FSTL5: variants seen among roughly 807,000 people sequenced by gnomAD.
FSTL5 encodes the protein follistatin like 5, also known as follistatin-related protein 5.
Under a neutral mutation model 89.1 loss-of-function variants are expected in FSTL5, and 62 were observed. The ratio of observed to expected loss-of-function variants is 0.70; its 90% CI spans 0.57 to 0.86. FSTL5 has a LOEUF of 0.86. FSTL5 is among the 40% of genes least tolerant of loss of function. The probability of loss-of-function intolerance (pLI) is 0.00; values close to 1 mark genes in which losing one functional copy is unlikely to be tolerated. For synonymous variants in FSTL5, 383 were observed against 346.2 expected (o/e 1.11, Z -1.18); for missense variants, 1,057 against 1,001.6 (o/e 1.06, Z -0.75).
chr4:161,979,954 C>A (rs1347777246), intron 3 of FSTL5, among the ~76,000 whole-genome samples: 1 of 151,490 alleles, frequency 6.6e-6, no homozygotes, highest in African/African-American at 2.4e-5. Context: ...GCCTCCAATG[C>A]AAATTCAACA....
In FSTL5 at chr4:161,748,373, T is replaced by A. The variant is rs1004502555; in HGVS notation, c.727+11038A>T. ...GTACATATATTTATTTTTACTGTGA[T>A]GATCCTGAAAAAGTTTTTTTAGCAT... On this transcript the variant is annotated intron_variant, in intron 6 of 15. Coordinates refer to ENST00000306100, the MANE Select transcript of FSTL5 (RefSeq NM_020116.5). 2.6e-5 allele frequency among the ~76,000 whole-genome samples: 4 copies of A among 152,160 alleles called. No homozygotes were observed. The East Asian group carries it at 7.7e-4, about 29-fold the overall frequency.
intron 4 of FSTL5, among the ~76,000 whole-genome samples, chr4:161,795,710 G>T (rs566010676): frequency 6.6e-6 from 1 of 152,108 alleles, no homozygotes; most frequent in African/African-American, 2.4e-5. Context: ...TTGTTGAAGA[G>T]AGTATTCTTT....
intron 3 of FSTL5, among the ~76,000 whole-genome samples, chr4:162,015,023 C>T (rs972000136): frequency 3.3e-5 from 5 of 152,110 alleles, no homozygotes; most frequent in African/African-American, 1.2e-4. Context: ...CACTATGTTC[C>T]TAGTGCAAAC....
At chr4:161,791,218 T>C (rs376459144) in intron 4 of FSTL5, among the ~76,000 whole-genome samples, 1 of 143,742 alleles carries the variant, frequency 7.0e-6, no homozygotes, top group East Asian at 2.0e-4. Context: ...AAAAAAAAAA[T>C]GGGAAGTGAA....
chr4:161,962,906 T>G (rs989519945), intron 3 of FSTL5, among the ~76,000 whole-genome samples: 2 of 152,014 alleles, frequency 1.3e-5, no homozygotes, highest in Non-Finnish European at 2.9e-5. Flanking sequence ...AAATTTCATA[T>G]GCTAGATTCA....
In FSTL5 at chr4:161,739,799, G is replaced by A. The variant is rs1739941159; in HGVS notation, c.727+19612C>T. 4.0e-5 allele frequency among the ~76,000 whole-genome samples: 6 copies of A among 151,854 alleles called. No individual in the cohort carries two copies. The South Asian group carries it at 1.2e-3, about 31-fold the overall frequency. ...TTCGTGCAAGTTTAAAACATGAGTA[G>A]CCAGATGAATACACTTGTTTTTAAA... On this transcript the variant is annotated intron_variant, in intron 6 of 15. Coordinates refer to ENST00000306100, the MANE Select transcript of FSTL5 (RefSeq NM_020116.5).
intron 10 of FSTL5, among the ~76,000 whole-genome samples, chr4:161,512,926 T>A (rs1369863336): frequency 6.6e-6 from 1 of 152,104 alleles, no homozygotes; most frequent in Non-Finnish European, 1.5e-5. Flanking sequence ...TTATAATGAT[T>A]GTTTTACTAC....
chr4:162,021,374 T>C (rs1372355614), intron 3 of FSTL5, among the ~76,000 whole-genome samples: 3 of 152,208 alleles, frequency 2.0e-5, no homozygotes, highest in African/African-American at 7.2e-5. Flanking sequence ...AGCACAATCT[T>C]GGCCAAGTAT....
chr4:162,106,792 C>T (rs932524569), intron 2 of FSTL5, among the ~76,000 whole-genome samples: 6 of 152,112 alleles, frequency 3.9e-5, no homozygotes. Flanking sequence ...CAATGATGTA[C>T]AAAATGAAGT....
chr4:161,595,003 G>T (rs542697735), intron 7 of FSTL5, among the ~76,000 whole-genome samples: 1 of 152,128 alleles, frequency 6.6e-6, no homozygotes, highest in African/African-American at 2.4e-5. Flanking sequence ...CAAACAAGGT[G>T]AGGGGTCTCA....
Position 162,111,334 on chromosome 4 carries a change from C to T in FSTL5, c.63G>A (p.Arg21=). Residue 21 remains arginine, a synonymous_variant, in exon 2 of 16, where the codon AGG becomes AGA. Transcript: ENST00000306100. ...GGCCATATCCTCCTTCTTTGGTTGGCCTTCCTTCCGACTCCAGAAAAATGA... is the reference window on the plus strand; with the variant it reads ...GGCCATATCCTCCTTCTTTGGTTGGTCTTCCTTCCGACTCCAGAAAAATGA... ...LGFIFLESEG[R]PTKEGGYGLK... 1 of 1,612,032 alleles carries T rather than the reference C, an allele frequency of 6.2e-7. No individual in the cohort carries two copies. The highest frequency in any genetic ancestry group is 8.5e-7 in the Non-Finnish European group (1 of 1,178,560).
At chr4:162,020,510 G>T (rs1023792433) in intron 3 of FSTL5, among the ~76,000 whole-genome samples, 11 of 152,006 alleles carry the variant, frequency 7.2e-5, no homozygotes, top group Non-Finnish European at 1.5e-4. Flanking sequence ...GATAACCATA[G>T]TTAACACTCA....
intron 4 of FSTL5, among the ~76,000 whole-genome samples, chr4:161,813,433 CG>C (rs1730229164): frequency 6.7e-6 from 1 of 149,804 alleles, no homozygotes; most frequent in African/African-American, 2.5e-5. Context: ...ATTTGGGGGG[CG>C]GGGAGCATGT....
intron 13 of FSTL5, among the ~76,000 whole-genome samples, chr4:161,460,373 T>G (rs1208233365): frequency 1.6e-5 from 2 of 127,218 alleles, no homozygotes; most frequent in Admixed American, 1.8e-4. Context: ...TATCTCCTAA[T>G]GCTATCCCTC....
chr4:161,542,075 A>G (rs928282564), intron 9 of FSTL5, among the ~76,000 whole-genome samples: 6 of 151,962 alleles, frequency 3.9e-5, no homozygotes, highest in Non-Finnish European at 7.4e-5. Context: ...ACATTTAGTA[A>G]CTTTTTGATA....
intron 8 of FSTL5, among the ~76,000 whole-genome samples, chr4:161,573,336 G>C (rs1223586362): frequency 4.1e-5 from 6 of 147,128 alleles, no homozygotes; most frequent in Non-Finnish European, 8.9e-5. Flanking sequence ...CTTGAGCCCA[G>C]AAAGTGGAGC....
At chr4:162,023,090 T>A (rs1474856885) in intron 3 of FSTL5, among the ~76,000 whole-genome samples, 2 of 152,134 alleles carry the variant, frequency 1.3e-5, no homozygotes, top group African/African-American at 2.4e-5. Flanking sequence ...ACAATTTTTT[T>A]AAAAGAGACC....
Position 161,471,979 on chromosome 4 carries a change from C to CTT in FSTL5, c.1608+9039_1608+9040dup, listed in dbSNP as rs61243040. Among the ~76,000 whole-genome samples, 764 of 132,470 alleles carry CTT rather than the reference C, an allele frequency of 5.8e-3. 10 individuals are homozygous for CTT. Among genetic ancestry groups the CTT allele is most frequent in the African/African-American group, 0.013 (491 of 36,724 alleles). 86.9% of individuals were successfully genotyped at this position (132,470 alleles called of 152,430 possible). On this transcript the variant is annotated intron_variant, in intron 13 of 15. Coordinates refer to ENST00000306100, the MANE Select transcript of FSTL5 (RefSeq NM_020116.5). ...CTAATAGCTTGTCAATTTTCTTGAT[C>CTT]TTTTTTTTTTTTTTTGAGACAGAGT...
chr4:161,619,481 A>G (rs944601842), intron 7 of FSTL5, among the ~76,000 whole-genome samples: 18 of 152,224 alleles, frequency 1.2e-4, no homozygotes, highest in Admixed American at 6.5e-4. Flanking sequence ...AATGAACTCA[A>G]ATAAATTTAC....
Sources: allele counts gnomAD v4.1 joint callset (sites outside exome capture counted in the v4.1 genomes callset), GRCh38; gene constraint gnomAD v4.1.1; transcripts MANE v1.5; gene names NCBI Gene and HGNC (gene_info 2026-07-23, HGNC 2026-07-21).